The following HDX variants were observed in gnomAD, a reference collection of about 807,000 sequenced individuals.
HDX encodes the protein highly divergent homeobox.
A neutral mutation model predicts 45.2 loss-of-function variants in HDX; 19 were observed. The observed-to-expected ratio is 0.42, with a 90% CI of 0.29 to 0.62. The LOEUF (loss-of-function observed/expected upper bound fraction) is 0.62. Ranked by LOEUF, HDX falls within the 20% of genes least tolerant of loss-of-function variation. HDX has a pLI of 0.20. For missense variants in HDX, 532 were observed against 493.9 expected (o/e 1.08, Z -0.73); for synonymous variants, 188 against 172.8 (o/e 1.09, Z -0.69).
chrX:84,476,808 C>G lies in HDX; in HGVS notation c.1-1411G>C, dbSNP rs935357118. ...CAGTGCAATCTGTACACCTGACTTTCTTGTCCGCACAAGCATCTATCTCAT... is the reference window on the plus strand; with the variant it reads ...CAGTGCAATCTGTACACCTGACTTTGTTGTCCGCACAAGCATCTATCTCAT... On this transcript the variant is annotated intron_variant, in intron 2 of 10. Transcript: ENST00000373177. Among the ~76,000 whole-genome samples, 12 of 111,730 alleles carry G rather than the reference C, an allele frequency of 1.1e-4. No homozygotes were observed. In the Admixed American group the frequency reaches 1.1e-3, roughly 11 times the overall value.
At chrX:84,489,279 C>T (rs759836888) in intron 1 of HDX, among the ~76,000 whole-genome samples, 13 of 111,884 alleles carry the variant, frequency 1.2e-4, no homozygotes, top group South Asian at 7.4e-4. Context: ...ATCAACCTCT[C>T]TACCATGTGG....
At position 84,457,253 on chromosome X, in the gene HDX, A is replaced by G. The variant is rs559989251; in HGVS notation, c.1251+11219T>C. ...ACTTCTCCTACACAATTTGGACCAC[A>G]AACTTGGTACATGGTTTACGATTTT... On this transcript the variant is annotated intron_variant, in intron 4 of 10. Coordinates refer to ENST00000373177, the MANE Select transcript of HDX (RefSeq NM_001177479.2). Among the ~76,000 whole-genome samples, 19 of 111,823 alleles carry G rather than the reference A, an allele frequency of 1.7e-4. No homozygotes were observed. The South Asian group carries it at 7.1e-3, about 42-fold the overall frequency.
Position 84,322,026 on chromosome X carries a change from A to C in HDX, c.1948-12T>G. 1.8e-6 allele frequency: 2 copies of C among 1,123,529 alleles called. No homozygotes were observed. Among genetic ancestry groups the C allele is most frequent in the South Asian group, 4.2e-5 (2 of 47,061 alleles). The allele number at this position is 1,123,529 out of a possible 1,213,427, so 92.6% of individuals were successfully genotyped here. On this transcript the variant is annotated splice_polypyrimidine_tract_variant and intron_variant, in intron 10 of 10. Transcript: ENST00000373177. ...TCTGACAGCAGTGCCTGAATAAAAAAAATAATATTTTTGGATTAGTATGTG... is the reference window on the plus strand; with the variant it reads ...TCTGACAGCAGTGCCTGAATAAAAACAATAATATTTTTGGATTAGTATGTG...
intron 9 of HDX, among the ~76,000 whole-genome samples, chrX:84,327,654 G>T (rs1399601389): frequency 9.0e-6 from 1 of 111,116 alleles, no homozygotes; most frequent in Non-Finnish European, 1.9e-5. Flanking sequence ...ATGGATCATA[G>T]ACCTAAAACT....
intron 4 of HDX, among the ~76,000 whole-genome samples, chrX:84,462,808 A>G (rs746824158): frequency 2.7e-5 from 3 of 111,689 alleles, no homozygotes; most frequent in Non-Finnish European, 5.7e-5. Flanking sequence ...AACAGATGTA[A>G]TGAGTGAAAA....
intron 5 of HDX, among the ~76,000 whole-genome samples, chrX:84,411,164 C>T (rs1408228619): frequency 9.0e-6 from 1 of 111,594 alleles, no homozygotes; most frequent in Non-Finnish European, 1.9e-5. Flanking sequence ...TTGCATTCAG[C>T]TTAGCTCTGA....
At chrX:84,436,506 G>A (rs2039640096) in intron 5 of HDX, among the ~76,000 whole-genome samples, 2 of 111,712 alleles carry the variant, frequency 1.8e-5, no homozygotes, top group African/African-American at 6.5e-5. Flanking sequence ...GTGACCCATA[G>A]GTTTTGGTAT....
At chrX:84,474,681 C>T (rs1192377466) in intron 3 of HDX, among the ~76,000 whole-genome samples, 1 of 112,205 alleles carries the variant, frequency 8.9e-6, no homozygotes, top group Non-Finnish European at 1.9e-5. Context: ...ATCACCTTCT[C>T]GTTACCTTTC....
At chrX:84,383,615 G>A (rs1202639659) in intron 5 of HDX, among the ~76,000 whole-genome samples, 1 of 111,309 alleles carries the variant, frequency 9.0e-6, no homozygotes, top group Non-Finnish European at 1.9e-5. Flanking sequence ...GATACAGGAT[G>A]TACATGCACA....
At chrX:84,434,071 A>G (rs1235444692) in intron 5 of HDX, among the ~76,000 whole-genome samples, 2 of 111,334 alleles carry the variant, frequency 1.8e-5, no homozygotes, top group African/African-American at 3.3e-5. Flanking sequence ...ACCAGTTTTA[A>G]GAGTTTTGTG....
chrX:84,341,932 C>T (rs1272397762), intron 7 of HDX, among the ~76,000 whole-genome samples: 1 of 110,967 alleles, frequency 9.0e-6, no homozygotes, highest in Non-Finnish European at 1.9e-5. Context: ...TGTCCTGCTT[C>T]TTCTGTTTCT....
intron 5 of HDX, among the ~76,000 whole-genome samples, chrX:84,434,703 T>C (rs1250848287): frequency 8.9e-6 from 1 of 111,810 alleles, no homozygotes; most frequent in Non-Finnish European, 1.9e-5. Flanking sequence ...TAGGAAGAGT[T>C]ATCTCCACTT....
Position 84,320,490 on chromosome X carries a change from G to A in HDX, c.*1399C>T, listed in dbSNP as rs1049398568. On this transcript the variant is annotated 3_prime_UTR_variant, in exon 11 of 11. Coordinates refer to ENST00000373177, the MANE Select transcript of HDX (RefSeq NM_001177479.2). ...ACTAGTAAATTTCAAGATCAAATTT[G>A]GCTCTAATTACAAATTTTTAAAAAT... 2.7e-5 allele frequency: 3 copies of A among 110,585 alleles called. No homozygotes were observed. The Admixed American group carries it at 2.9e-4, about 11-fold the overall frequency. The allele number at this position is 110,585 out of a possible 1,213,427, so 9.1% of individuals were successfully genotyped here.
At chrX:84,433,273 G>A (rs1167362910) in intron 5 of HDX, among the ~76,000 whole-genome samples, 2 of 111,644 alleles carry the variant, frequency 1.8e-5, no homozygotes, top group East Asian at 5.7e-4. Context: ...TTGGGAAAAT[G>A]TCCTGAAGCA....
At chrX:84,399,395 C>A (rs1313298746) in intron 5 of HDX, among the ~76,000 whole-genome samples, 3 of 110,814 alleles carry the variant, frequency 2.7e-5, no homozygotes, top group Non-Finnish European at 3.8e-5. Context: ...ACCACTGACC[C>A]CACAGAAATA....
chrX:84,373,644 C>T (rs747634131), intron 5 of HDX, among the ~76,000 whole-genome samples: 1 of 110,689 alleles, frequency 9.0e-6, no homozygotes, highest in East Asian at 2.9e-4. Flanking sequence ...ATAAACAGAA[C>T]CAAAGACAAA....
chrX:84,495,887 G>A (rs1273591990), intron 1 of HDX, among the ~76,000 whole-genome samples: 1 of 111,329 alleles, frequency 9.0e-6, no homozygotes, highest in East Asian at 2.8e-4. Context: ...GTGCCTTCTG[G>A]AACCATAAGA....
intron 1 of HDX, among the ~76,000 whole-genome samples, chrX:84,495,210 T>C (rs1602564895): frequency 1.8e-5 from 2 of 110,239 alleles, no homozygotes; most frequent in Admixed American, 9.7e-5. Context: ...AGTGAGGGAT[T>C]GGGTAGATGT....
chrX:84,497,277 A>G (rs2041022263), intron 1 of HDX, among the ~76,000 whole-genome samples: 1 of 111,979 alleles, frequency 8.9e-6, no homozygotes, highest in African/African-American at 3.2e-5. Flanking sequence ...CGGTCTATGA[A>G]AGGGCAAAGC....
Sources: allele counts gnomAD v4.1 joint callset (sites outside exome capture counted in the v4.1 genomes callset), GRCh38; gene constraint gnomAD v4.1.1; transcripts MANE v1.5; gene names NCBI Gene and HGNC (gene_info 2026-07-23, HGNC 2026-07-21).